The following FANCI variants were observed in gnomAD, a reference collection of about 807,000 sequenced individuals.
FANCI encodes the protein FA complementation group I, also known as Fanconi anemia group I protein.
Under a neutral mutation model 176.1 loss-of-function variants are expected in FANCI, and 156 were observed. The observed-to-expected ratio is 0.89, with a 90% CI of 0.78 to 1.01. The LOEUF (loss-of-function observed/expected upper bound fraction) is 1.01. Among genes scored for constraint, FANCI ranks in the 50% least tolerant of loss-of-function variants. FANCI has a pLI of 0.00. For missense variants in FANCI, 1,678 were observed against 1,534.1 expected, an observed-to-expected ratio of 1.09 and a Z score of -1.57; for synonymous variants, 613 against 541.7, an observed-to-expected ratio of 1.13 and a Z score of -1.83.
chr15:89,317,231 GCACCTTA>G (rs2055301646), downstream of FANCI: 1 of 720,088 alleles, frequency 1.4e-6, no homozygotes, highest in Admixed American at 2.1e-5. Flanking sequence ...TGGACACAGG[GCACCTTA>G]TAAACTGAAA....
At chr15:89,308,199 G>T (rs916221209) in intron 34 of FANCI, 68 of 1,019,726 alleles carry the variant, frequency 6.7e-5, no homozygotes, top group Non-Finnish European at 7.5e-5. Flanking sequence ...GACATGTTGC[G>T]CTAGATAATT....
intron 35 of FANCI, among the ~76,000 whole-genome samples, chr15:89,313,208 T>C (rs2151993914): frequency 6.6e-6 from 1 of 151,894 alleles, no homozygotes; most frequent in African/African-American, 2.4e-5. Context: ...TTGGGGGTGA[T>C]GAAAATGTTT....
rs913200690 is a variant in FANCI at position 89,259,177 on chromosome 15, G to A, written c.157+401G>A. 1.7e-4 allele frequency: 33 copies of A among 193,754 alleles called. 1 individual carries two copies. In the Admixed American group the frequency reaches 1.7e-3, roughly 10 times the overall value. 12.0% of individuals were successfully genotyped at this position (193,754 alleles called of 1,614,324 possible). ...GGTGCCTTATATAGAGATTCTTCAT[G>A]CCCGCTGAGACGTATTTGTTTTCTT... is the stretch of plus-strand genomic sequence containing the variant. On this transcript the variant is annotated intron_variant, in intron 3 of 37. Transcript: ENST00000310775.
At chr15:89,309,639 C>G (rs1192117951) in intron 34 of FANCI, among the ~76,000 whole-genome samples, 1 of 152,178 alleles carries the variant, frequency 6.6e-6, no homozygotes, top group African/African-American at 2.4e-5. Flanking sequence ...AGGAAGATCA[C>G]TTGAGCCTAG....
rs115965652 is a variant in FANCI at position 89,289,286 on chromosome 15, C to T, written c.1822-927C>T. On this transcript the variant is annotated intron_variant, in intron 18 of 37. Transcript: ENST00000310775. ...TTTTCCTTTGTTCCGTTCCTTTCCC[C>T]TTTCCCCTTTTTCCGTTTTCCTTTC... 5.8e-3 allele frequency among the ~76,000 whole-genome samples: 889 copies of T among 152,040 alleles called. 2 individuals carry two copies. The highest frequency in any genetic ancestry group is 0.02 in the African/African-American group (835 of 41,454).
chr15:89,249,387 G>T (rs1307024342), intron 2 of FANCI, among the ~76,000 whole-genome samples: 2 of 152,162 alleles, frequency 1.3e-5, no homozygotes, highest in Admixed American at 1.3e-4. Flanking sequence ...TCTCACCCTT[G>T]CACAGGCTGG....
At chr15:89,282,648 A>T (rs1449804202) in intron 16 of FANCI, 1 of 214,198 alleles carries the variant, frequency 4.7e-6, no homozygotes, top group African/African-American at 2.3e-5. Context: ...GAATAGACTG[A>T]GATATTACGT....
chr15:89,275,677 T>C (rs2053383373), intron 12 of FANCI, among the ~76,000 whole-genome samples: 1 of 152,212 alleles, frequency 6.6e-6, no homozygotes, highest in Admixed American at 6.5e-5. Flanking sequence ...GTGTCTCCAG[T>C]ATTTTCCCAA....
At position 89,274,244 on chromosome 15, in the gene FANCI, A is replaced by T. The variant is rs147873714; in HGVS notation, c.1052A>T (p.Gln351Leu). ...CTCCTCCAAGGCTCAAAATTTCTTC[A>T]GAATCTAGTTCCTCATAGATCTTAT... Reference protein sequence around the residue: ...LQLLQGSKFLQNLVPHRSYVS... With the variant: ...LQLLQGSKFLLNLVPHRSYVS... The change falls in exon 12 of 38, where the codon CAG becomes CTG. Residue 351 changes from glutamine to leucine, a missense_variant. Around this residue, in one of 3 missense-constraint regions of FANCI, gnomAD observed 469 missense variants for 436.9 expected, o/e 1.07. Transcript: ENST00000310775. The T allele has an allele frequency of 3.2e-5, 51 of 1,612,474 alleles. No homozygotes were observed. In the African/African-American group the frequency reaches 6.8e-4, roughly 21 times the overall value.
chr15:89,312,647 C>T (rs2055010735), intron 34 of FANCI, among the ~76,000 whole-genome samples: 1 of 152,078 alleles, frequency 6.6e-6, no homozygotes, highest in African/African-American at 2.4e-5. Flanking sequence ...TGGCAAAACA[C>T]CGTCTCTACT....
chr15:89,317,224 A>G (rs2055301370), downstream of FANCI: 1 of 702,590 alleles, frequency 1.4e-6, no homozygotes, highest in East Asian at 2.7e-5. Flanking sequence ...TTCACTCTGG[A>G]CACAGGGCAC....
At chr15:89,253,968 C>T (rs111757586) in intron 2 of FANCI, among the ~76,000 whole-genome samples, 2 of 152,210 alleles carry the variant, frequency 1.3e-5, no homozygotes, top group African/African-American at 4.8e-5. Context: ...GCTGGGATTA[C>T]AGGCAGGAGC....
chr15:89,268,608 C>A (rs1390103151), intron 10 of FANCI, 83 bp downstream of exon 10: 15 of 1,534,480 alleles, frequency 9.8e-6, no homozygotes, highest in Non-Finnish European at 1.3e-5. Context: ...CAGTTAATGA[C>A]AGGAAATAAA....
At chr15:89,260,055 C>G (rs1432223277) in intron 3 of FANCI, among the ~76,000 whole-genome samples, 1 of 152,104 alleles carries the variant, frequency 6.6e-6, no homozygotes, top group Non-Finnish European at 1.5e-5. Context: ...AACCGCCAAA[C>G]TGTTTTCCAA....
intron 1 of FANCI, among the ~76,000 whole-genome samples, chr15:89,246,470 G>A (rs1011041449): frequency 1.3e-5 from 2 of 152,116 alleles, no homozygotes; most frequent in Non-Finnish European, 2.9e-5. Flanking sequence ...TCCTTAACCT[G>A]TTTACTTCCA....
intron 9 of FANCI, among the ~76,000 whole-genome samples, chr15:89,267,785 G>T (rs1347166648): frequency 3.3e-5 from 5 of 152,042 alleles, no homozygotes; most frequent in Non-Finnish European, 7.4e-5. Context: ...AAATTAGCCG[G>T]GCATAGTGGC....
At chr15:89,315,443 C>T in intron 37 of FANCI, 54 bp downstream of exon 37, 1 of 1,260,850 alleles carries the variant, frequency 7.9e-7, no homozygotes, top group Non-Finnish European at 1.2e-6. Context: ...TGGTTAGCAG[C>T]CTATCTGGGA....
intron 2 of FANCI, among the ~76,000 whole-genome samples, chr15:89,249,099 T>C (rs967336433): frequency 6.6e-6 from 1 of 152,228 alleles, no homozygotes; most frequent in Admixed American, 6.5e-5. Flanking sequence ...GATCATTTTG[T>C]ATGATTCTGC....
intron 6 of FANCI, among the ~76,000 whole-genome samples, chr15:89,262,702 CAA>C (rs1306267884): frequency 3.9e-5 from 6 of 152,140 alleles, no homozygotes; most frequent in South Asian, 2.1e-4. Context: ...TTTAATTACA[CAA>C]GAGTTTATTC....
Sources: gnomAD v4.1 joint callset for allele counts (sites outside exome capture counted in the v4.1 genomes callset) on GRCh38, gnomAD v4.1.1 for gene constraint, gnomAD v4.1.1 regional missense constraint, MANE v1.5 for transcripts, NCBI Gene and HGNC (gene_info 2026-07-23, HGNC 2026-07-21) for gene names.